The following ZNF574 variants were observed in gnomAD, a reference collection of about 807,000 sequenced individuals.
ZNF574 encodes the protein zinc finger protein 574.
ZNF574 carries 25 observed loss-of-function variants against 56.6 expected under a neutral mutation model. The observed-to-expected ratio is 0.44, with a 90% CI of 0.32 to 0.62. The LOEUF (loss-of-function observed/expected upper bound fraction) is 0.62, where lower values mean the gene tolerates loss of function less well. ZNF574 is among the 20% of genes least tolerant of loss of function. The pLI is 0.04. For synonymous variants in ZNF574, 543 were observed against 492.1 expected (o/e 1.10, Z -1.37); for missense variants, 1,065 against 1,218.9 (o/e 0.87, Z 1.88).
upstream of ZNF574, chr19:42,074,796 T>A (rs2076445572): frequency 6.6e-6 from 1 of 152,238 alleles, no homozygotes; most frequent in South Asian, 2.1e-4. Context: ...TTCAGGTAAG[T>A]AAATAAATAA....
At chr19:42,072,818 G>C (rs947578982), upstream of ZNF574, among the ~76,000 whole-genome samples, 1 of 152,072 alleles carries the variant, frequency 6.6e-6, no homozygotes, top group African/African-American at 2.4e-5. Flanking sequence ...GGCCTGTCTC[G>C]GTCTCCCAAA....
At chr19:42,076,390 G>C (rs1013298334) in intron 1 of ZNF574, 104 bp downstream of exon 1, 1 of 151,934 alleles carries the variant, frequency 6.6e-6, no homozygotes, top group Non-Finnish European at 1.5e-5. Context: ...GGGGGTGCGC[G>C]CCGGGCAGTT....
intron 1 of ZNF574, among the ~76,000 whole-genome samples, chr19:42,076,654 G>A (rs1385764699): frequency 3.3e-5 from 5 of 152,230 alleles, no homozygotes; most frequent in African/African-American, 4.8e-5. Context: ...GAAGGGGCTG[G>A]GCCGGTTAGA....
Position 42,079,531 on chromosome 19 carries a change from C to T in ZNF574, c.925C>T (p.Leu309Phe), listed in dbSNP as rs200979953. The change falls in exon 2 of 2, where the codon CTC (leucine) becomes TTC (phenylalanine). Residue 309 changes from leucine to phenylalanine, a missense_variant. Physicochemically the swap from Leu to Phe is conservative, Grantham distance 22. Transcript: ENST00000359044. This position sits in a 1 kb window ranked among gnomAD's most constrained non-coding sequence, Gnocchi z 4.3. The stretch of plus-strand genomic sequence containing the variant: ...AGCAGGCGGGGCAGCCACACAGGAG[C>T]TCTTCTGCTCAGCCTGTGACCAGCT... ...GEAGGAATQE[L>F]FCSACDQLFL... The T allele has an allele frequency of 1.4e-4, 220 of 1,613,882 alleles. 1 individual carries two copies. The highest frequency in any genetic ancestry group is 1.8e-4 in the Non-Finnish European group (210 of 1,180,038).
chr19:42,074,625 A>C (rs2076444692), upstream of ZNF574: 1 of 152,176 alleles, frequency 6.6e-6, no homozygotes, highest in Admixed American at 6.5e-5. Flanking sequence ...GGCTCAGGAC[A>C]GTTGACTTGC....
Position 42,079,572 on chromosome 19 carries a change from C to G in ZNF574, c.966C>G (p.His322Gln). The G allele has an allele frequency of 6.2e-7, 1 of 1,614,182 alleles. No individual in the cohort carries two copies. The highest frequency in any genetic ancestry group is 8.5e-7 in the Non-Finnish European group (1 of 1,180,040). ...GTGACCAGCTCTTTCTCTCACCCCA[C>G]CAGCTACAGCAGCACCTGCGGAGTC... ...SACDQLFLSP[H>Q]QLQQHLRSHR... Residue 322 changes from histidine to glutamine, a missense_variant, in exon 2 of 2, where the codon CAC becomes CAG. His to Gln is a conservative substitution (Grantham distance 24). Coordinates refer to ENST00000359044, the MANE Select transcript of ZNF574 (RefSeq NM_022752.6). The surrounding 1 kb of genome is among the most constrained non-coding windows in gnomAD (Gnocchi z 4.3).
At chr19:42,072,754 C>T (rs761039403), upstream of ZNF574, among the ~76,000 whole-genome samples, 6 of 152,080 alleles carry the variant, frequency 3.9e-5, no homozygotes, top group South Asian at 4.2e-4. Context: ...TTAGTAGAGA[C>T]GGAGTTTCTC....
exon 1 of ZNF574, chr19:42,068,906 G>C: frequency 1.5e-6 from 1 of 684,898 alleles, no homozygotes; most frequent in Middle Eastern, 2.4e-4. Flanking sequence ...GAGCCAGTCT[G>C]GGACCAGGAC....
In ZNF574 at chr19:42,078,640, A is replaced by G. The variant is rs778504557; in HGVS notation, c.34A>G (p.Ile12Val). The G allele has an allele frequency of 2.5e-6, 4 of 1,613,964 alleles. No homozygotes were observed. The highest frequency in any genetic ancestry group is 3.4e-6 in the Non-Finnish European group (4 of 1,179,930). Residue 12 changes from isoleucine to valine, a missense_variant, in exon 2 of 2, where the codon ATT becomes GTT. Ile to Val is a conservative substitution (Grantham distance 29). Coordinates refer to ENST00000359044, the MANE Select transcript of ZNF574 (RefSeq NM_022752.6). ...GGAATCAGAGGAGACAGTCCTGTACATTGAGCACCGCTATGTCTGCTCTGA... is the reference window on the plus strand; with the variant it reads ...GGAATCAGAGGAGACAGTCCTGTACGTTGAGCACCGCTATGTCTGCTCTGA... ...TEESEETVLYIEHRYVCSECN... is the reference protein window; with the variant it reads ...TEESEETVLYVEHRYVCSECN...
rs1181840152 is a variant in ZNF574 at position 42,080,269 on chromosome 19, G to A, written c.1663G>A (p.Asp555Asn). 2 of 1,614,000 alleles carry A rather than the reference G, an allele frequency of 1.2e-6. No individual in the cohort carries two copies. Among genetic ancestry groups the A allele is most frequent in the Admixed American group, 3.3e-5 (2 of 60,000 alleles). The change falls in exon 2 of 2, where the codon GAC (aspartate) becomes AAC (asparagine). Residue 555 changes from aspartate (D) to asparagine (N), a missense_variant. By Grantham distance (23) the Asp-to-Asn change is conservative. Coordinates refer to ENST00000359044, the MANE Select transcript of ZNF574 (RefSeq NM_022752.6). This position sits in a 1 kb window ranked among gnomAD's most constrained non-coding sequence, Gnocchi z 8.5. ...HTGERPYRCG[D>N]CGKAFTQSST... The stretch of plus-strand genomic sequence containing the variant: ...AGGAGAGCGGCCCTACCGGTGTGGG[G>A]ACTGTGGCAAGGCTTTCACGCAAAG...
At chr19:42,071,310 G>A (rs12463133), upstream of ZNF574, among the ~76,000 whole-genome samples, 1 of 145,004 alleles carries the variant, frequency 6.9e-6, no homozygotes, top group Non-Finnish European at 1.5e-5. Context: ...GGTGAAATTT[G>A]GGGGGAAGAA....
chr19:42,078,890 A>AG lies in ZNF574; in HGVS notation c.286dup (p.Glu96GlyfsTer16). 6.2e-7 allele frequency: 1 copy of AG among 1,614,100 alleles called. No homozygotes were observed. The highest frequency in any genetic ancestry group is 8.5e-7 in the Non-Finnish European group (1 of 1,179,972). Reference sequence around the variant, plus strand: ...TCACCCAGCCAGCTCCTGGAGCACCAGGAGCTGCACCTGAAGATGATGGCA... The same window carrying AG: ...TCACCCAGCCAGCTCCTGGAGCACCAGGGAGCTGCACCTGAAGATGATGGCA... On this transcript the variant is annotated frameshift_variant, in exon 2 of 2. Coordinates refer to ENST00000359044, the MANE Select transcript of ZNF574 (RefSeq NM_022752.6). LOFTEE classifies it high-confidence loss of function.
Position 42,080,975 on chromosome 19 carries a change from G to A in ZNF574, c.2369G>A (p.Gly790Asp), listed in dbSNP as rs2076495925. ...HLKDHRRLHTGERPFACEVCG... is the reference protein window; with the variant it reads ...HLKDHRRLHTDERPFACEVCG... ...AAAGACCACCGGCGCCTGCACACAGGTGAGCGGCCCTTTGCCTGTGAAGTG... is the reference window on the plus strand; with the variant it reads ...AAAGACCACCGGCGCCTGCACACAGATGAGCGGCCCTTTGCCTGTGAAGTG... The change falls in exon 2 of 2, where the codon GGT becomes GAT. Residue 790 changes from glycine to aspartate, a missense_variant. Physicochemically the swap from Gly to Asp is moderately conservative, Grantham distance 94. Transcript: ENST00000359044. The surrounding 1 kb of genome is among the most constrained non-coding windows in gnomAD (Gnocchi z 8.5). The A allele has an allele frequency of 1.2e-6, 2 of 1,614,104 alleles. No individual in the cohort carries two copies. Among genetic ancestry groups the A allele is most frequent in the African/African-American group, 1.3e-5 (1 of 74,954 alleles).
At position 42,080,712 on chromosome 19, in the gene ZNF574, C is replaced by G. The variant is rs750374284; in HGVS notation, c.2106C>G (p.Pro702=). ...AGPGEVLAKE[P]PAPRAPRATR... ...CTGGAGAGGTCCTGGCTAAGGAGCC[C>G]CCTGCCCCTCGAGCCCCACGGGCCA... is the stretch of plus-strand genomic sequence containing the variant. Residue 702 remains proline (P), a synonymous_variant, in exon 2 of 2, where the codon CCC becomes CCG. Coordinates refer to ENST00000359044, the MANE Select transcript of ZNF574 (RefSeq NM_022752.6). This position sits in a 1 kb window ranked among gnomAD's most constrained non-coding sequence, Gnocchi z 8.5. The G allele has an allele frequency of 1.2e-6, 2 of 1,613,398 alleles. No homozygotes were observed. The highest frequency in any genetic ancestry group is 1.1e-5 in the South Asian group (1 of 91,066).
rs755815310 is a variant in ZNF574, at chr19:42,078,604, G to T, written c.-3G>T. Reference sequence around the variant, plus strand: ...TCTTCCAGCCCAGGGCCTTGCTGCCGCCATGACTGAGGAATCAGAGGAGAC... The same window carrying T: ...TCTTCCAGCCCAGGGCCTTGCTGCCTCCATGACTGAGGAATCAGAGGAGAC... On this transcript the variant is annotated 5_prime_UTR_variant, in exon 2 of 2. Transcript: ENST00000359044. The T allele has an allele frequency of 6.8e-6, 11 of 1,606,604 alleles. No homozygotes were observed. In the African/African-American group the frequency reaches 1.1e-4, roughly 16 times the overall value.
chr19:42,074,118 C>T (rs186378336), upstream of ZNF574, among the ~76,000 whole-genome samples: 1 of 118,408 alleles, frequency 8.4e-6, no homozygotes, highest in East Asian at 2.4e-4. Context: ...GGGCGGTGGG[C>T]GACAGAGTGA....
exon 1 of ZNF574, chr19:42,068,865 A>G: frequency 1.5e-6 from 1 of 684,790 alleles, no homozygotes; most frequent in East Asian, 2.8e-5. Flanking sequence ...GGCCCACCGC[A>G]GGCAGAGGAT....
At chr19:42,070,293 G>C (rs1199498639) in intron 1 of ZNF574, 1 of 153,470 alleles carries the variant, frequency 6.5e-6, no homozygotes, top group Non-Finnish European at 1.4e-5. Flanking sequence ...GGCAAAGAGA[G>C]AGTAGGGAGG....
At chr19:42,073,814 CAAAAAA>C (rs577928373), upstream of ZNF574, among the ~76,000 whole-genome samples, 17 of 32,064 alleles carry the variant, frequency 5.3e-4, no homozygotes, top group East Asian at 1.4e-3. Context: ...TAGACTGTCT[CAAAAAA>C]AAAAAAAAAA....
Sources: allele counts gnomAD v4.1 joint callset (sites outside exome capture counted in the v4.1 genomes callset), GRCh38; gene constraint gnomAD v4.1.1; non-coding constraint Gnocchi (gnomAD v3.1); transcripts MANE v1.5; gene names NCBI Gene and HGNC (gene_info 2026-07-23, HGNC 2026-07-21).